Variants in ARHGAP31 observed in about 807,000 individuals in gnomAD.
The protein encoded by ARHGAP31 is Rho GTPase activating protein 31.
In ARHGAP31, 34 loss-of-function variants were observed where a neutral mutation model predicts 113.9. The observed-to-expected ratio is 0.30, with a 90% CI of 0.23 to 0.40. The LOEUF (loss-of-function observed/expected upper bound fraction) is 0.40, where lower values mean the gene tolerates loss of function less well. Among genes scored for constraint, ARHGAP31 ranks in the 10% least tolerant of loss-of-function variants. The pLI is 1.00. For missense variants in ARHGAP31, 1,548 were observed against 1,767.1 expected (o/e 0.88, Z 2.22); for synonymous variants, 650 against 684.8 (o/e 0.95, Z 0.79).
intron 1 of ARHGAP31, among the ~76,000 whole-genome samples, chr3:119,344,117 T>C: frequency 6.6e-6 from 1 of 152,220 alleles, no homozygotes; most frequent in East Asian, 1.9e-4. Context: ...TATTAGACGC[T>C]GGACTAAAAT....
intron 1 of ARHGAP31, among the ~76,000 whole-genome samples, chr3:119,358,565 A>G (rs562082135): frequency 1.3e-5 from 2 of 152,368 alleles, no homozygotes; most frequent in Admixed American, 6.5e-5. Flanking sequence ...TAGCAACAAT[A>G]TTCCTAATAG....
intron 1 of ARHGAP31, among the ~76,000 whole-genome samples, chr3:119,335,195 G>C (rs1027279514): frequency 6.6e-6 from 1 of 152,162 alleles, no homozygotes; most frequent in African/African-American, 2.4e-5. Flanking sequence ...ACTGGCATGG[G>C]AAGCAGAAGC....
At chr3:119,390,251 A>G (rs993136243) in intron 6 of ARHGAP31, among the ~76,000 whole-genome samples, 8 of 152,252 alleles carry the variant, frequency 5.3e-5, no homozygotes, top group Non-Finnish European at 7.3e-5. Flanking sequence ...AGGCTGTAAA[A>G]TATCTTCCTG....
At chr3:119,403,439 A>C (rs1352490832) in intron 10 of ARHGAP31, among the ~76,000 whole-genome samples, 1 of 152,270 alleles carries the variant, frequency 6.6e-6, no homozygotes, top group Non-Finnish European at 1.5e-5. Flanking sequence ...TGTGTTCACT[A>C]TGGGCTGTGG....
chr3:119,414,216 G>C lies in ARHGAP31; in HGVS notation c.2287G>C (p.Ala763Pro), dbSNP rs776360120. 13 of 1,614,058 alleles carry C rather than the reference G, an allele frequency of 8.1e-6. No individual in the cohort carries two copies. Among genetic ancestry groups the C allele is most frequent in the African/African-American group, 4.0e-5 (3 of 74,904 alleles). Residue 763 changes from alanine (A) to proline (P), a missense_variant, in exon 12 of 12, where the codon GCA becomes CCA. Transcript: ENST00000264245. The part of the protein sequence containing the change: ...APLEIVPFEK[A>P]SPQATVEVGG... Reference sequence around the variant, plus strand: ...TCTGGAAATAGTTCCTTTTGAGAAGGCATCTCCACAAGCAACAGTGGAAGT... The same window carrying C: ...TCTGGAAATAGTTCCTTTTGAGAAGCCATCTCCACAAGCAACAGTGGAAGT...
chr3:119,327,662 C>G (rs2079857844), intron 1 of ARHGAP31, among the ~76,000 whole-genome samples: 1 of 152,192 alleles, frequency 6.6e-6, no homozygotes. Flanking sequence ...GTCACCAGTT[C>G]ATGTATATTT....
chr3:119,376,010 C>T (rs1297919990), intron 3 of ARHGAP31, among the ~76,000 whole-genome samples: 1 of 152,154 alleles, frequency 6.6e-6, no homozygotes, highest in African/African-American at 2.4e-5. Flanking sequence ...TGCATCAAGC[C>T]CTGCCCCAAA....
intron 1 of ARHGAP31, among the ~76,000 whole-genome samples, chr3:119,332,623 TCTCTCTCTCTCTCACACACACACACA>T (rs1319084280): frequency 6.6e-4 from 78 of 118,838 alleles, no homozygotes; most frequent in African/African-American, 2.8e-3. Flanking sequence ...TCTCTCTCTC[TCTCTCTCTCTCTCACACACACACACA>T]CACACACACA....
Position 119,390,914 on chromosome 3 carries a change from A to G in ARHGAP31, c.812A>G (p.Asn271Ser), listed in dbSNP as rs775878471. The G allele has an allele frequency of 1.2e-6, 2 of 1,614,184 alleles. No homozygotes were observed. The highest frequency in any genetic ancestry group is 1.7e-6 in the Non-Finnish European group (2 of 1,180,032). Residue 271 changes from asparagine to serine, a missense_variant, in exon 7 of 12, where the codon AAC becomes AGC. Coordinates refer to ENST00000264245, the MANE Select transcript of ARHGAP31 (RefSeq NM_020754.4). ...NHPARKERRE[N>S]SLPEIVPPMG... The stretch of plus-strand genomic sequence containing the variant: ...CCTGCTCGCAAGGAAAGGAGGGAGA[A>G]CAGCCTGCCTGAGATTGTCCCTCCC...
At chr3:119,306,989 T>C (rs1385350156) in intron 1 of ARHGAP31, among the ~76,000 whole-genome samples, 1 of 152,018 alleles carries the variant, frequency 6.6e-6, no homozygotes, top group Non-Finnish European at 1.5e-5. Context: ...GGCTTTTTCA[T>C]AAATGCCCTT....
chr3:119,352,610 CCA>C (rs56175761), intron 1 of ARHGAP31, among the ~76,000 whole-genome samples: 15,705 of 150,904 alleles, frequency 0.1, 886 homozygotes, highest in Admixed American at 0.18. Context: ...CTCCCTCTTC[CCA>C]CACACACACA....
chr3:119,362,239 A>T (rs553884411), intron 1 of ARHGAP31, among the ~76,000 whole-genome samples: 1 of 152,188 alleles, frequency 6.6e-6, no homozygotes, highest in Non-Finnish European at 1.5e-5. Context: ...TCTTAAGTCC[A>T]CTTGTGCCCT....
Position 119,415,075 on chromosome 3 carries a change from A to G in ARHGAP31, c.3146A>G (p.His1049Arg). 1 of 1,612,970 alleles carries G rather than the reference A, an allele frequency of 6.2e-7. No individual in the cohort carries two copies. The highest frequency in any genetic ancestry group is 2.2e-5 in the East Asian group (1 of 44,878). ...GCAGAGGGAAAGGAGCTAGGGACAC[A>G]CCTGGGGCACAGCAGTCCACAGATT... ...SLAEGKELGT[H>R]LGHSSPQIRQ... is the part of the protein sequence containing the mutation. Residue 1049 changes from histidine (H) to arginine (R), a missense_variant, in exon 12 of 12, where the codon CAC (histidine) becomes CGC (arginine). Transcript: ENST00000264245.
intron 3 of ARHGAP31, among the ~76,000 whole-genome samples, chr3:119,374,612 G>A (rs1378197043): frequency 1.3e-5 from 2 of 152,166 alleles, no homozygotes; most frequent in East Asian, 3.9e-4. Flanking sequence ...TCATGATAGT[G>A]AATGAGTTCT....
chr3:119,411,294 G>A (rs9855065), intron 11 of ARHGAP31, among the ~76,000 whole-genome samples: 23,851 of 152,146 alleles, frequency 0.16, 1,987 homozygotes, highest in East Asian at 0.34. Context: ...AAGGAGGCAC[G>A]AATGCATCAG....
chr3:119,369,899 A>G (rs549661249), intron 3 of ARHGAP31, among the ~76,000 whole-genome samples: 1 of 152,250 alleles, frequency 6.6e-6, no homozygotes, highest in South Asian at 2.1e-4. Context: ...TATATACTTA[A>G]AGAATTTAAA....
intron 3 of ARHGAP31, among the ~76,000 whole-genome samples, chr3:119,379,179 G>T (rs1031226991): frequency 6.6e-6 from 1 of 152,240 alleles, no homozygotes; most frequent in Non-Finnish European, 1.5e-5. Flanking sequence ...TGGACACAGG[G>T]ATTCATCACG....
At chr3:119,367,689 T>A (rs896489246) in intron 2 of ARHGAP31, among the ~76,000 whole-genome samples, 5 of 152,020 alleles carry the variant, frequency 3.3e-5, no homozygotes, top group Admixed American at 2.6e-4. Flanking sequence ...AAACCCCATC[T>A]GCACTAAAAA....
chr3:119,398,519 A>G (rs2080571278), intron 8 of ARHGAP31, among the ~76,000 whole-genome samples: 1 of 152,224 alleles, frequency 6.6e-6, no homozygotes, highest in Non-Finnish European at 1.5e-5. Context: ...GAATGCATCT[A>G]TGTAATGCTA....
Sources: gnomAD v4.1 joint callset for allele counts (sites outside exome capture counted in the v4.1 genomes callset) on GRCh38, gnomAD v4.1.1 for gene constraint, MANE v1.5 for transcripts, NCBI Gene and HGNC (gene_info 2026-07-23, HGNC 2026-07-21) for gene names.